The following PANK1 variants were observed in gnomAD, a reference collection of about 807,000 sequenced individuals.
The protein encoded by PANK1 is pantothenate kinase 1.
A neutral mutation model predicts 40.1 loss-of-function variants in PANK1; 18 were observed. The ratio of observed to expected loss-of-function variants is 0.45; its 90% confidence interval spans 0.31 to 0.67. PANK1 has a LOEUF of 0.67. PANK1 is among the 30% of genes least tolerant of loss of function. PANK1 has a pLI of 0.06. For missense variants in PANK1, 457 were observed against 599.6 expected, an observed-to-expected ratio of 0.76 and a Z score of 2.48; for synonymous variants, 242 against 237.7, an observed-to-expected ratio of 1.02 and a Z score of -0.17.
At chr10:89,607,088 G>A (rs1354966990) in intron 2 of PANK1, among the ~76,000 whole-genome samples, 2 of 152,176 alleles carry the variant, frequency 1.3e-5, no homozygotes, top group Non-Finnish European at 2.9e-5. Context: ...TGGCACAAGA[G>A]GCCTAGGCTT....
In PANK1 at chr10:89,585,343, T is replaced by C. The variant is rs192557261; in HGVS notation, c.1327-878A>G. Reference sequence around the variant, plus strand: ...CACTTTGTAGATTAGGATTTCAACATAGACATTTGAAGTTGGTCACGGCAC... The same window carrying C: ...CACTTTGTAGATTAGGATTTCAACACAGACATTTGAAGTTGGTCACGGCAC... On this transcript the variant is annotated intron_variant, in intron 6 of 6. Coordinates refer to ENST00000307534, the MANE Select transcript of PANK1 (RefSeq NM_148977.3). Among the ~76,000 whole-genome samples the C allele has an allele frequency of 1.2e-4, 18 of 152,312 alleles. No individual in the cohort carries two copies. In the East Asian group the frequency reaches 3.1e-3, roughly 26 times the overall value.
intron 2 of PANK1, among the ~76,000 whole-genome samples, chr10:89,599,900 G>C (rs1844725345): frequency 6.6e-6 from 1 of 152,090 alleles, no homozygotes; most frequent in Admixed American, 6.5e-5. Context: ...TGGGTTATTG[G>C]GGTGGGCCCT....
intron 2 of PANK1, among the ~76,000 whole-genome samples, chr10:89,600,859 A>G (rs1049859612): frequency 1.7e-4 from 26 of 152,250 alleles, no homozygotes; most frequent in African/African-American, 5.8e-4. Context: ...GAGACCCAAT[A>G]TAAATTTTTA....
chr10:89,614,129 T>C, intron 1 of PANK1: 2 of 423,928 alleles, frequency 4.7e-6, no homozygotes, highest in South Asian at 3.4e-5. Context: ...CTATGGCATG[T>C]TAACAAGTGC....
intron 1 of PANK1, among the ~76,000 whole-genome samples, chr10:89,635,049 C>G (rs1004523013): frequency 6.6e-6 from 1 of 152,024 alleles, no homozygotes; most frequent in African/African-American, 2.4e-5. Context: ...CCTGGTATTT[C>G]AGAGTCTTGG....
downstream of PANK1, chr10:89,579,988 A>T (rs1844024690): frequency 6.6e-6 from 1 of 152,256 alleles, no homozygotes; most frequent in African/African-American, 2.4e-5. Flanking sequence ...CACTAATGAA[A>T]TCTTTTTCAC....
chr10:89,630,933 G>C (rs1841623368), intron 1 of PANK1, among the ~76,000 whole-genome samples: 1 of 152,250 alleles, frequency 6.6e-6, no homozygotes, highest in Non-Finnish European at 1.5e-5. Flanking sequence ...TCAGGAAGCT[G>C]AGGCAGGAGG....
At chr10:89,609,004 A>G (rs774619213) in intron 2 of PANK1, among the ~76,000 whole-genome samples, 29 of 152,046 alleles carry the variant, frequency 1.9e-4, no homozygotes, top group Admixed American at 6.6e-4. Context: ...AGCACTCCCT[A>G]TCTTCTTTGC....
intron 2 of PANK1, among the ~76,000 whole-genome samples, chr10:89,601,782 T>C (rs1252087202): frequency 6.6e-6 from 1 of 152,240 alleles, no homozygotes; most frequent in East Asian, 1.9e-4. Flanking sequence ...GTATGAGATG[T>C]ATGTAATTAT....
chr10:89,611,035 T>C (rs924334195), intron 2 of PANK1, among the ~76,000 whole-genome samples: 41 of 152,222 alleles, frequency 2.7e-4, no homozygotes, highest in African/African-American at 9.6e-4. Flanking sequence ...ATCCGTATCT[T>C]CCATTTAGCT....
intron 6 of PANK1, among the ~76,000 whole-genome samples, chr10:89,585,442 A>T (rs147263694): frequency 9.8e-4 from 150 of 152,292 alleles, no homozygotes; most frequent in African/African-American, 3.4e-3. Context: ...TGAACTCAAT[A>T]GTTATAACTG....
chr10:89,644,578 C>T (rs1842059187), intron 1 of PANK1, 22 bp downstream of exon 1: 1 of 1,575,892 alleles, frequency 6.3e-7, no homozygotes, highest in Non-Finnish European at 8.6e-7. Context: ...TGCGCCCGCG[C>T]TCCCCTCCCA....
intron 1 of PANK1, among the ~76,000 whole-genome samples, chr10:89,631,956 T>TTGTGTGTGTG (rs71471132): frequency 9.6e-5 from 13 of 135,488 alleles, no homozygotes; most frequent in East Asian, 6.1e-4. Context: ...AAATAACAGA[T>TTGTGTGTGTG]TGTGTGTGTG....
chr10:89,593,266 G>A lies in PANK1; in HGVS notation c.1131C>T (p.Leu377=), dbSNP rs201396044. 2.1e-5 allele frequency: 34 copies of A among 1,613,678 alleles called. No individual in the cohort carries two copies. The highest frequency in any genetic ancestry group is 2.8e-5 in the Non-Finnish European group (33 of 1,179,654). Reference sequence around the variant, plus strand: ...TGATGGTGACCAATGTGGCCCGGGCGAGGTCTTCCTTGCTGATGGAATCTC... The same window carrying A: ...TGATGGTGACCAATGTGGCCCGGGCAAGGTCTTCCTTGCTGATGGAATCTC... ...EKRDSISKED[L]ARATLVTITN... Residue 377 remains leucine (L), a synonymous_variant, in exon 5 of 7, where the codon CTC becomes CTT. Coordinates refer to ENST00000307534, the MANE Select transcript of PANK1 (RefSeq NM_148977.3).
chr10:89,635,611 A>C (rs1163273129), intron 1 of PANK1, among the ~76,000 whole-genome samples: 2 of 152,180 alleles, frequency 1.3e-5, no homozygotes, highest in Non-Finnish European at 2.9e-5. Context: ...TAAAAGACAC[A>C]TTCATGTCAT....
chr10:89,607,162 A>G (rs926517646), intron 2 of PANK1, among the ~76,000 whole-genome samples: 10 of 152,204 alleles, frequency 6.6e-5, no homozygotes, highest in Non-Finnish European at 1.5e-4. Context: ...CTTTTGATTT[A>G]AAGTGTGGGA....
chr10:89,603,286 G>C (rs996165211), intron 2 of PANK1, among the ~76,000 whole-genome samples: 1 of 152,140 alleles, frequency 6.6e-6, no homozygotes, highest in Non-Finnish European at 1.5e-5. Context: ...TGCATACATG[G>C]ACTCTTTTAA....
intron 5 of PANK1, 61 bp downstream of exon 5, chr10:89,593,136 C>A: frequency 1.9e-6 from 3 of 1,549,656 alleles, no homozygotes; most frequent in Non-Finnish European, 2.7e-6. Flanking sequence ...ACAGGTGTTG[C>A]ACTGCCAAGA....
At chr10:89,630,202 A>C (rs1485330741) in intron 1 of PANK1, among the ~76,000 whole-genome samples, 1 of 152,232 alleles carries the variant, frequency 6.6e-6, no homozygotes, top group Non-Finnish European at 1.5e-5. Context: ...CCAAACGTTA[A>C]GACTTTAGAG....
Sources: gnomAD v4.1 joint callset for allele counts (sites outside exome capture counted in the v4.1 genomes callset) on GRCh38, gnomAD v4.1.1 for gene constraint, MANE v1.5 for transcripts, NCBI Gene and HGNC (gene_info 2026-07-23, HGNC 2026-07-21) for gene names.